The following DGKB variants were observed in gnomAD, a reference collection of about 807,000 sequenced individuals.
The protein encoded by DGKB is 90 kDa diacylglycerol kinase.
DGKB carries 67 observed loss-of-function variants against 114.3 expected under a neutral mutation model. The observed-to-expected ratio is 0.59, with a 90% CI of 0.48 to 0.72. DGKB has a LOEUF of 0.72. DGKB is among the 30% of genes least tolerant of loss of function. The pLI, the probability that DGKB is intolerant of heterozygous loss-of-function variation, is 0.00. For synonymous variants in DGKB, 398 were observed against 323.1 expected, an observed-to-expected ratio of 1.23 and a Z score of -2.49; for missense variants, 907 against 975.2, an observed-to-expected ratio of 0.93 and a Z score of 0.93.
intron 1 of DGKB, among the ~76,000 whole-genome samples, chr7:14,940,908 C>G (rs1242923961): frequency 6.6e-6 from 1 of 151,894 alleles, no homozygotes; most frequent in East Asian, 1.9e-4. Flanking sequence ...GAAGACACAG[C>G]ATGATATTTA....
intron 23 of DGKB, among the ~76,000 whole-genome samples, chr7:14,280,404 G>C (rs1028477748): frequency 6.6e-6 from 1 of 152,180 alleles, no homozygotes; most frequent in East Asian, 1.9e-4. Context: ...TGAAAGTGAT[G>C]GGGAGAATGG....
At chr7:14,328,085 T>C (rs1405615715) in intron 23 of DGKB, among the ~76,000 whole-genome samples, 2 of 152,100 alleles carry the variant, frequency 1.3e-5, no homozygotes, top group African/African-American at 2.4e-5. Flanking sequence ...AAATGGAATG[T>C]TCTATGATAC....
rs77984533 is a variant in DGKB at position 14,808,182 on chromosome 7, T to C, written c.70+33012A>G. Among the ~76,000 whole-genome samples, 4 of 152,178 alleles carry C rather than the reference T, an allele frequency of 2.6e-5. No individual in the cohort carries two copies. The South Asian group carries it at 8.3e-4, about 32-fold the overall frequency. ...ACTAACAAGTCTTTTGTAAGTGATGTTTATATGAACAAATAGATTAGATGA... is the reference window on the plus strand; with the variant it reads ...ACTAACAAGTCTTTTGTAAGTGATGCTTATATGAACAAATAGATTAGATGA... On this transcript the variant is annotated intron_variant, in intron 2 of 25. Transcript: ENST00000402815.
intron 20 of DGKB, among the ~76,000 whole-genome samples, chr7:14,516,845 C>T (rs765908950): frequency 1.3e-5 from 2 of 151,994 alleles, no homozygotes; most frequent in Non-Finnish European, 2.9e-5. Flanking sequence ...TGCTCATGGA[C>T]AGGAAGAGAC....
intron 23 of DGKB, among the ~76,000 whole-genome samples, chr7:14,282,994 T>C (rs1283331983): frequency 2.0e-5 from 3 of 151,938 alleles, no homozygotes; most frequent in East Asian, 3.9e-4. Context: ...TTCAACATAG[T>C]GTTGGAAGTT....
Position 14,736,076 on chromosome 7 carries a change from G to A in DGKB, c.287C>T (p.Pro96Leu), listed in dbSNP as rs367918629. ...GAGAGCAGGCTTACTTTTTACCATT[G>A]GACTAGAATGAGGAAACTTGTTGCT... ...SFSNKFPHSS[P>L]MVKSKPALLS... The change falls in exon 5 of 26, where the codon CCA becomes CTA. Residue 96 changes from proline to leucine, a missense_variant. Physicochemically the swap from Pro to Leu is moderately conservative, Grantham distance 98 (BLOSUM62 -3). Around this residue, in one of 3 missense-constraint regions of DGKB, gnomAD observed 814 missense variants for 856.6 expected, o/e 0.95. Transcript: ENST00000402815. 1 of 1,608,206 alleles carries A rather than the reference G, an allele frequency of 6.2e-7. No individual in the cohort carries two copies. The highest frequency in any genetic ancestry group is 1.3e-5 in the African/African-American group (1 of 74,744).
At chr7:14,814,292 C>G (rs1279999870) in intron 2 of DGKB, 1 of 152,134 alleles carries the variant, frequency 6.6e-6, no homozygotes, top group African/African-American at 2.4e-5. Context: ...ATTACAACCA[C>G]TTTATTACCA....
intron 23 of DGKB, among the ~76,000 whole-genome samples, chr7:14,306,131 G>A (rs551150960): frequency 2.0e-5 from 3 of 152,044 alleles, no homozygotes; most frequent in African/African-American, 7.2e-5. Flanking sequence ...TAAAATTCTT[G>A]AGTAGCTATC....
chr7:14,371,331 T>A (rs1817603019), intron 21 of DGKB, among the ~76,000 whole-genome samples: 1 of 152,140 alleles, frequency 6.6e-6, no homozygotes, highest in Non-Finnish European at 1.5e-5. Flanking sequence ...CTCACCAGCA[T>A]CTGTTGCTTT....
chr7:14,169,323 C>T (rs1264452443), intron 25 of DGKB, among the ~76,000 whole-genome samples: 1 of 148,418 alleles, frequency 6.7e-6, no homozygotes, highest in African/African-American at 2.5e-5. Flanking sequence ...CGAGATGGCA[C>T]CATTGCACTC....
intron 23 of DGKB, among the ~76,000 whole-genome samples, chr7:14,230,044 T>A (rs1791467904): frequency 6.6e-6 from 1 of 151,970 alleles, no homozygotes; most frequent in Non-Finnish European, 1.5e-5. Context: ...TTTGGAAAAG[T>A]CTTGTTGCAT....
intron 10 of DGKB, 117 bp downstream of exon 10, chr7:14,685,128 A>C: frequency 1.7e-6 from 1 of 576,220 alleles, no homozygotes; most frequent in Admixed American, 3.2e-5. Context: ...TATAAATCAC[A>C]TGTACAGAGA....
intron 13 of DGKB, 122 bp from the exon 14 acceptor site, chr7:14,630,390 T>C (rs1003851363): frequency 1.3e-5 from 8 of 604,780 alleles, no homozygotes; most frequent in Non-Finnish European, 2.2e-5. Context: ...ATACATTTCC[T>C]TGGTATAATT....
chr7:14,433,500 A>T (rs1828789038), intron 21 of DGKB, among the ~76,000 whole-genome samples: 1 of 152,138 alleles, frequency 6.6e-6, no homozygotes, highest in South Asian at 2.1e-4. Flanking sequence ...ATGGGTAATA[A>T]GAAAGCGGAA....
At chr7:14,233,074 A>G (rs1489173040) in intron 23 of DGKB, among the ~76,000 whole-genome samples, 1 of 152,062 alleles carries the variant, frequency 6.6e-6, no homozygotes, top group Non-Finnish European at 1.5e-5. Flanking sequence ...AATGGTTGCA[A>G]AAAGAGAGTA....
At chr7:14,660,169 C>A (rs899880590) in intron 13 of DGKB, among the ~76,000 whole-genome samples, 18 of 151,890 alleles carry the variant, frequency 1.2e-4, no homozygotes, top group East Asian at 2.0e-4. Context: ...ATCAATGTTC[C>A]TCAAGGATAT....
chr7:14,867,249 A>AT (rs1248420627), intron 1 of DGKB, among the ~76,000 whole-genome samples: 1 of 152,042 alleles, frequency 6.6e-6, no homozygotes, highest in East Asian at 1.9e-4. Flanking sequence ...CAGTTTATCA[A>AT]TTTTTTTCAT....
intron 20 of DGKB, among the ~76,000 whole-genome samples, chr7:14,571,332 T>C (rs948140865): frequency 6.6e-6 from 1 of 152,222 alleles, no homozygotes; most frequent in African/African-American, 2.4e-5. Flanking sequence ...TGACTTGATT[T>C]GAAATGGAAG....
chr7:14,400,938 C>T lies in DGKB; in HGVS notation c.1836-55547G>A, dbSNP rs560936320. Among the ~76,000 whole-genome samples the T allele has an allele frequency of 1.3e-3, 204 of 151,850 alleles. 1 individual carries two copies. The highest frequency in any genetic ancestry group is 2.0e-3 in the Non-Finnish European group (137 of 67,820). ...ATTTATATTCAGGGAATCTACCGAG[C>T]TATCCTTGACTGCCTCCCCACTCAA... On this transcript the variant is annotated intron_variant, in intron 21 of 25. Transcript: ENST00000402815.
Sources: allele counts gnomAD v4.1 joint callset (sites outside exome capture counted in the v4.1 genomes callset), GRCh38; gene constraint gnomAD v4.1.1; regional missense constraint gnomAD v4.1.1; transcripts MANE v1.5; gene names NCBI Gene and HGNC (gene_info 2026-07-23, HGNC 2026-07-21).